Variants in ACACA observed in about 807,000 individuals in gnomAD.
ACACA encodes the protein acetyl-CoA carboxylase alpha, also known as acetyl-CoA carboxylase 1.
Under a neutral mutation model 296.1 loss-of-function variants are expected in ACACA, and 103 were observed. The ratio of observed to expected loss-of-function variants is 0.35; its 90% CI spans 0.30 to 0.41. The LOEUF (loss-of-function observed/expected upper bound fraction) is 0.41. Ranked by LOEUF, ACACA falls within the 10% of genes least tolerant of loss-of-function variation. The pLI is 1.00. For synonymous variants in ACACA, 953 were observed against 1,038.6 expected, an observed-to-expected ratio of 0.92 and a Z score of 1.58; for missense variants, 1,554 against 2,989.7, an observed-to-expected ratio of 0.52 and a Z score of 11.20.
chr17:37,344,475 T>C (rs1373629439), intron 1 of ACACA, among the ~76,000 whole-genome samples: 1 of 152,058 alleles, frequency 6.6e-6, no homozygotes, highest in Non-Finnish European at 1.5e-5. Flanking sequence ...GGAGAATCGC[T>C]TGAACCCAGG....
intron 1 of ACACA, 55 bp downstream of exon 1, chr17:37,406,207 A>T (rs1162581739): frequency 1.3e-6 from 2 of 1,592,812 alleles, no homozygotes; most frequent in Non-Finnish European, 1.7e-6. Flanking sequence ...TACTCGACAA[A>T]TGGTAGCTAT....
chr17:37,184,505 A>G (rs979078551), intron 39 of ACACA, among the ~76,000 whole-genome samples: 1 of 152,230 alleles, frequency 6.6e-6, no homozygotes, highest in African/African-American at 2.4e-5. Flanking sequence ...CTGCCAAAAC[A>G]TATCTGTGAA....
At chr17:37,402,711 TG>T (rs2051332532) in intron 1 of ACACA, among the ~76,000 whole-genome samples, 1 of 152,088 alleles carries the variant, frequency 6.6e-6, no homozygotes, top group Admixed American at 6.6e-5. Flanking sequence ...CTCGCTCTGT[TG>T]CCCAGGCTGG....
intron 40 of ACACA, among the ~76,000 whole-genome samples, chr17:37,180,674 C>T (rs747150552): frequency 6.6e-5 from 10 of 152,140 alleles, no homozygotes; most frequent in Non-Finnish European, 1.2e-4. Flanking sequence ...CATATTTTCT[C>T]ATGCTAGTTT....
At chr17:37,270,472 G>T (rs2082019740) in intron 10 of ACACA, among the ~76,000 whole-genome samples, 1 of 152,150 alleles carries the variant, frequency 6.6e-6, no homozygotes, top group Non-Finnish European at 1.5e-5. Context: ...TACGCACCAG[G>T]TAGGAAAGAG....
At chr17:37,376,396 T>C (rs1200856698) in intron 1 of ACACA, among the ~76,000 whole-genome samples, 2 of 152,250 alleles carry the variant, frequency 1.3e-5, no homozygotes. Flanking sequence ...GTTCATGTAA[T>C]TAACATTAAA....
intron 1 of ACACA, among the ~76,000 whole-genome samples, chr17:37,362,321 C>T (rs1457626433): frequency 6.6e-6 from 1 of 152,146 alleles, no homozygotes; most frequent in Non-Finnish European, 1.5e-5. Context: ...GTATTAGGGA[C>T]TCATCCTGAG....
intron 3 of ACACA, among the ~76,000 whole-genome samples, chr17:37,310,146 A>G (rs2084063058): frequency 6.6e-6 from 1 of 152,200 alleles, no homozygotes; most frequent in African/African-American, 2.4e-5. Context: ...TGATCATTCT[A>G]ATAGTCCAAG....
intron 1 of ACACA, among the ~76,000 whole-genome samples, chr17:37,402,997 T>C (rs1305447578): frequency 6.6e-6 from 1 of 152,138 alleles, no homozygotes; most frequent in Admixed American, 6.6e-5. Flanking sequence ...ACTTTTGCCT[T>C]TACTTACTCA....
intron 45 of ACACA, among the ~76,000 whole-genome samples, chr17:37,135,281 A>G (rs2075283965): frequency 6.6e-6 from 1 of 152,226 alleles, no homozygotes; most frequent in Non-Finnish European, 1.5e-5. Flanking sequence ...GGGGTTCCAA[A>G]ATACAGTTTC....
intron 3 of ACACA, among the ~76,000 whole-genome samples, chr17:37,317,221 C>A (rs1052013888): frequency 2.0e-5 from 3 of 151,846 alleles, no homozygotes; most frequent in Admixed American, 6.6e-5. Context: ...GTAAAAAATA[C>A]AGAAAGGAAA....
rs774096990 is a variant in ACACA at position 37,330,301 on chromosome 17, G to A, written c.210C>T (p.Ile70=). 6.2e-7 allele frequency: 1 copy of A among 1,614,214 alleles called. No homozygotes were observed. Among genetic ancestry groups the A allele is most frequent in the Non-Finnish European group, 8.5e-7 (1 of 1,180,042 alleles). ...SVSEDNSEDE[I]SNLVKLDLLE... Reference sequence around the variant, plus strand: ...GTAGGTCCAACTTCACCAGGTTGCTGATCTCATCCTCTGAGTTATCTTCAG... The same window carrying A: ...GTAGGTCCAACTTCACCAGGTTGCTAATCTCATCCTCTGAGTTATCTTCAG... Residue 70 remains isoleucine (I), a synonymous_variant, in exon 3 of 56, where the codon ATC becomes ATT. Transcript: ENST00000616317.
At chr17:37,248,761 G>A in intron 16 of ACACA, 87 bp from the exon 17 acceptor site, 1 of 1,000,970 alleles carries the variant, frequency 1.0e-6, no homozygotes, top group Non-Finnish European at 1.6e-6. Flanking sequence ...GCATTTCCTA[G>A]AATAACAAAA....
chr17:37,228,685 T>C (rs778992692), intron 25 of ACACA, among the ~76,000 whole-genome samples: 4 of 152,126 alleles, frequency 2.6e-5, no homozygotes, highest in Non-Finnish European at 5.9e-5. Context: ...ATGTTCTTAA[T>C]AGAGCAAACA....
At chr17:37,229,681 T>A (rs1467342284) in intron 25 of ACACA, among the ~76,000 whole-genome samples, 1 of 152,178 alleles carries the variant, frequency 6.6e-6, no homozygotes, top group East Asian at 1.9e-4. Context: ...ACCACTTTTT[T>A]ATTTTATCTT....
intron 3 of ACACA, among the ~76,000 whole-genome samples, chr17:37,308,478 T>C (rs1297263911): frequency 6.6e-6 from 1 of 152,126 alleles, no homozygotes; most frequent in Non-Finnish European, 1.5e-5. Flanking sequence ...ATAAATCCTA[T>C]AGACATGAAA....
At chr17:37,104,321 G>A (rs185734078) in intron 52 of ACACA, among the ~76,000 whole-genome samples, 53 of 152,282 alleles carry the variant, frequency 3.5e-4, no homozygotes, top group Non-Finnish European at 4.4e-4. Context: ...AAACAGAGAC[G>A]AAATATCACT....
At chr17:37,298,919 C>T (rs992621748) in intron 3 of ACACA, among the ~76,000 whole-genome samples, 2 of 152,178 alleles carry the variant, frequency 1.3e-5, no homozygotes, top group African/African-American at 4.8e-5. Flanking sequence ...CTTTCCTTTA[C>T]AGCAGTTGAA....
At chr17:37,120,133 T>C (rs2074456385) in intron 50 of ACACA, among the ~76,000 whole-genome samples, 1 of 152,024 alleles carries the variant, frequency 6.6e-6, no homozygotes, top group South Asian at 2.1e-4. Context: ...CCTCAGGTGA[T>C]CCACCCACCT....
Sources: allele counts gnomAD v4.1 joint callset (sites outside exome capture counted in the v4.1 genomes callset), GRCh38; gene constraint gnomAD v4.1.1; transcripts MANE v1.5; gene names NCBI Gene and HGNC (gene_info 2026-07-23, HGNC 2026-07-21).